Variants in ADAM23 observed in about 807,000 individuals in gnomAD.
The protein encoded by ADAM23 is ADAM metallopeptidase domain 23.
ADAM23 carries 33 observed loss-of-function variants against 120.1 expected under a neutral mutation model. That is an observed-to-expected ratio of 0.27 (90% confidence interval 0.21 to 0.37). ADAM23 has a LOEUF of 0.37. Among genes scored for constraint, ADAM23 ranks in the 10% least tolerant of loss-of-function variants. The pLI is 1.00. For synonymous variants in ADAM23, 367 were observed against 375.2 expected (o/e 0.98, Z 0.25); for missense variants, 862 against 1,058.2 (o/e 0.81, Z 2.57).
At chr2:206,610,064 C>A in intron 25 of ADAM23, 64 bp downstream of exon 25, 2 of 1,395,926 alleles carry the variant, frequency 1.4e-6, no homozygotes, top group South Asian at 1.5e-5. Context: ...CTTACATAAC[C>A]AAGTTTTGAG....
intron 3 of ADAM23, among the ~76,000 whole-genome samples, chr2:206,497,017 AC>A (rs1696266724): frequency 6.6e-6 from 1 of 152,206 alleles, no homozygotes; most frequent in Non-Finnish European, 1.5e-5. Flanking sequence ...TTAATAGCTT[AC>A]CAACCAAAAA....
intron 11 of ADAM23, 110 bp from the exon 12 acceptor site, chr2:206,561,018 G>T: frequency 1.3e-6 from 1 of 787,278 alleles, no homozygotes; most frequent in Non-Finnish European, 2.1e-6. Flanking sequence ...TTGATTTCTT[G>T]GAGGAGGATG....
intron 3 of ADAM23, among the ~76,000 whole-genome samples, chr2:206,499,262 A>G (rs1222788048): frequency 6.6e-6 from 1 of 152,062 alleles, no homozygotes; most frequent in African/African-American, 2.4e-5. Flanking sequence ...TCCAACAATG[A>G]TAGACTGGAT....
At position 206,592,561 on chromosome 2, in the gene ADAM23, T is replaced by G. The variant is rs141423422; in HGVS notation, c.1959-56T>G. The G allele has an allele frequency of 2.0e-4, 322 of 1,574,802 alleles. 2 individuals are homozygous for G. In the East Asian group the frequency reaches 7.1e-3, roughly 35 times the overall value. On this transcript the variant is annotated intron_variant, in intron 21 of 25. Transcript: ENST00000264377. ...ATCAATGTGGACCGAATCGTTTTGA[T>G]TTTTTGAGCTTGATTCCTCCTGTCT...
chr2:206,508,470 A>T (rs1696548335), intron 3 of ADAM23, among the ~76,000 whole-genome samples: 1 of 152,066 alleles, frequency 6.6e-6, no homozygotes, highest in Admixed American at 6.5e-5. Context: ...AGCCTGGCCA[A>T]CATGGGGAAA....
chr2:206,499,739 A>G (rs1320461186), intron 3 of ADAM23, among the ~76,000 whole-genome samples: 1 of 152,164 alleles, frequency 6.6e-6, no homozygotes, highest in African/African-American at 2.4e-5. Context: ...TAATGTTCTC[A>G]TGTCTGAATG....
At chr2:206,508,196 AT>A (rs1308532342) in intron 3 of ADAM23, among the ~76,000 whole-genome samples, 1 of 151,908 alleles carries the variant, frequency 6.6e-6, no homozygotes, top group Non-Finnish European at 1.5e-5. Context: ...CGCCCAGCTA[AT>A]TTTTTGTATT....
chr2:206,496,004 G>A (rs1696237969), intron 3 of ADAM23, among the ~76,000 whole-genome samples: 1 of 152,108 alleles, frequency 6.6e-6, no homozygotes, highest in Admixed American at 6.5e-5. Context: ...CATAAAGCAA[G>A]TCCTTAGTGA....
At chr2:206,466,765 T>A (rs1293531562) in intron 2 of ADAM23, among the ~76,000 whole-genome samples, 1 of 152,194 alleles carries the variant, frequency 6.6e-6, no homozygotes, top group African/African-American at 2.4e-5. Flanking sequence ...CTCCACACTT[T>A]TAAACAACTA....
At chr2:206,516,384 C>G (rs1696731697) in intron 3 of ADAM23, among the ~76,000 whole-genome samples, 1 of 152,022 alleles carries the variant, frequency 6.6e-6, no homozygotes, top group Admixed American at 6.6e-5. Context: ...AGAATTAATG[C>G]TTGTCTTAGT....
intron 2 of ADAM23, among the ~76,000 whole-genome samples, chr2:206,453,858 A>G (rs948988807): frequency 6.6e-6 from 1 of 152,266 alleles, no homozygotes; most frequent in Non-Finnish European, 1.5e-5. Context: ...CTGTATGGCT[A>G]AAGAATATAG....
chr2:206,542,024 C>A, intron 4 of ADAM23, 28 bp from the exon 5 acceptor site: 1 of 1,610,890 alleles, frequency 6.2e-7, no homozygotes. Context: ...GCATAAAATA[C>A]AACCAATCAA....
rs183255558 is a variant in ADAM23, at chr2:206,587,813, G to A, written c.1789-278G>A. On this transcript the variant is annotated intron_variant, in intron 19 of 25. Coordinates refer to ENST00000264377, the MANE Select transcript of ADAM23 (RefSeq NM_003812.4). ...AAAAGAAGCTAAAAATCATTTTGGT[G>A]TCTCTCACAGAAATGTACCAATTTT... Among the ~76,000 whole-genome samples the A allele has an allele frequency of 3.5e-3, 531 of 152,270 alleles. 3 individuals carry two copies. Among genetic ancestry groups the A allele is most frequent in the Non-Finnish European group, 5.5e-3 (371 of 68,006 alleles).
At chr2:206,561,279 A>C (rs1241946497) in intron 12 of ADAM23, 67 bp downstream of exon 12, 2 of 1,349,802 alleles carry the variant, frequency 1.5e-6, no homozygotes, top group Non-Finnish European at 1.1e-6. Flanking sequence ...CCCAGTTTAC[A>C]TCCTTTCTCG....
intron 13 of ADAM23, among the ~76,000 whole-genome samples, chr2:206,564,203 TTGC>T (rs1697832109): frequency 6.6e-6 from 1 of 151,950 alleles, no homozygotes. Context: ...TTGATATATA[TTGC>T]TCTCTCTATC....
chr2:206,597,745 A>C lies in ADAM23; in HGVS notation c.2359+1583A>C, dbSNP rs9917389. On this transcript the variant is annotated intron_variant, in intron 24 of 25. Coordinates refer to ENST00000264377, the MANE Select transcript of ADAM23 (RefSeq NM_003812.4). ...CCGTGCTTTTCTCTGACAGGTAGGA[A>C]AATGCATATAGGATTAGTACCATTT... Among the ~76,000 whole-genome samples the C allele has an allele frequency of 1.8e-3, 275 of 152,294 alleles. 1 individual carries two copies. Among genetic ancestry groups the C allele is most frequent in the Middle Eastern group, 0.014 (4 of 294 alleles).
At chr2:206,468,548 C>G (rs574099658) in intron 2 of ADAM23, among the ~76,000 whole-genome samples, 1 of 152,338 alleles carries the variant, frequency 6.6e-6, no homozygotes, top group African/African-American at 2.4e-5. Flanking sequence ...CTGGCCATCT[C>G]TGTTCATGTC....
At chr2:206,452,661 A>C (rs375538476) in intron 2 of ADAM23, among the ~76,000 whole-genome samples, 85 of 152,272 alleles carry the variant, frequency 5.6e-4, no homozygotes, top group African/African-American at 2.0e-3. Context: ...TAAAAAAATT[A>C]AAAAGAAAAA....
chr2:206,554,425 A>G (rs1697598023), intron 9 of ADAM23, among the ~76,000 whole-genome samples: 3 of 152,254 alleles, frequency 2.0e-5, no homozygotes, highest in African/African-American at 7.2e-5. Context: ...CATAAAGTGC[A>G]TGAAAAGCAA....
Sources: allele counts gnomAD v4.1 joint callset (sites outside exome capture counted in the v4.1 genomes callset), GRCh38; gene constraint gnomAD v4.1.1; transcripts MANE v1.5; gene names NCBI Gene and HGNC (gene_info 2026-07-23, HGNC 2026-07-21).